The following ALDH9A1 variants were observed in gnomAD, a reference collection of about 807,000 sequenced individuals.
ALDH9A1 encodes aldehyde dehydrogenase 9 family member A1.
A neutral mutation model predicts 56.6 loss-of-function variants in ALDH9A1; 42 were observed. The observed-to-expected ratio is 0.74, with a 90% CI of 0.58 to 0.96. The LOEUF is 0.96. Ranked by LOEUF, ALDH9A1 falls within the 40% of genes least tolerant of loss-of-function variation. ALDH9A1 has a pLI of 0.00. For synonymous variants in ALDH9A1, 242 were observed against 236.0 expected (o/e 1.03, Z -0.23); for missense variants, 661 against 651.5 (o/e 1.01, Z -0.16).
At chr1:165,679,877 GTGGCACATGAC>G (rs1649489294) in intron 5 of ALDH9A1, among the ~76,000 whole-genome samples, 1 of 152,122 alleles carries the variant, frequency 6.6e-6, no homozygotes, top group South Asian at 2.1e-4. Flanking sequence ...GCCAGGCACA[GTGGCACATGAC>G]TGTAGTCTCA....
At chr1:165,694,090 C>T (rs2101759013) in intron 2 of ALDH9A1, among the ~76,000 whole-genome samples, 1 of 151,502 alleles carries the variant, frequency 6.6e-6, no homozygotes, top group East Asian at 2.0e-4. Flanking sequence ...GGAGGGATAG[C>T]ATTAGGAGAA....
intron 2 of ALDH9A1, 117 bp from the exon 3 acceptor site, chr1:165,683,227 A>C: frequency 9.5e-7 from 1 of 1,056,852 alleles, no homozygotes; most frequent in Non-Finnish European, 1.4e-6. Context: ...TTCACTTTAA[A>C]TGAAAAGAAA....
At chr1:165,687,575 T>C (rs774184112) in intron 2 of ALDH9A1, among the ~76,000 whole-genome samples, 3 of 142,110 alleles carry the variant, frequency 2.1e-5, no homozygotes, top group African/African-American at 5.2e-5. Flanking sequence ...TGGAGCAACA[T>C]CTTTAAAGTA....
At position 165,698,409 on chromosome 1, in the gene ALDH9A1, G is replaced by A; in HGVS notation, c.150C>T (p.Ser50=). 3 of 1,605,180 alleles carry A rather than the reference G, an allele frequency of 1.9e-6. No individual in the cohort carries two copies. Among genetic ancestry groups the A allele is most frequent in the Non-Finnish European group, 2.5e-6 (3 of 1,176,818 alleles). Reference sequence around the variant, plus strand: ...CTGGCTCGAAAGCTTTCTCGGTACCGGAGGCGTCCGCCGGCTCCACGCGGG... The same window carrying A: ...CTGGCTCGAAAGCTTTCTCGGTACCAGAGGCGTCCGCCGGCTCCACGCGGG... ...GGARVEPADA[S]GTEKAFEPAT... The change falls in exon 1 of 11, where the codon TCC becomes TCT. Residue 50 remains serine, a synonymous_variant. Transcript: ENST00000354775.
At chr1:165,664,199 A>G (rs1648934621) in intron 10 of ALDH9A1, among the ~76,000 whole-genome samples, 1 of 152,182 alleles carries the variant, frequency 6.6e-6, no homozygotes, top group Non-Finnish European at 1.5e-5. Flanking sequence ...CAGAGTTTAT[A>G]TATTTGCCAA....
chr1:165,688,063 T>C lies in ALDH9A1; in HGVS notation c.328-4953A>G, dbSNP rs375861717. Among the ~76,000 whole-genome samples, 4 of 151,898 alleles carry C rather than the reference T, an allele frequency of 2.6e-5. No individual in the cohort carries two copies. In the East Asian group the frequency reaches 5.8e-4, roughly 22 times the overall value. Reference sequence around the variant, plus strand: ...TGGGTACAGTGGCACACACGTACAGTCCCAGCACTTTGGGAAGCTGAGGCA... The same window carrying C: ...TGGGTACAGTGGCACACACGTACAGCCCCAGCACTTTGGGAAGCTGAGGCA... On this transcript the variant is annotated intron_variant, in intron 2 of 10. Transcript: ENST00000354775.
At chr1:165,690,175 G>A (rs1215670086) in intron 2 of ALDH9A1, among the ~76,000 whole-genome samples, 1 of 145,044 alleles carries the variant, frequency 6.9e-6, no homozygotes, top group East Asian at 2.0e-4. Context: ...TAGCTTATAT[G>A]TGTATAATTA....
chr1:165,666,487 G>A (rs141571592), intron 9 of ALDH9A1, among the ~76,000 whole-genome samples: 8 of 152,264 alleles, frequency 5.3e-5, no homozygotes, highest in African/African-American at 9.6e-5. Context: ...TTGTCTGTAC[G>A]AGGGTGGCAA....
At chr1:165,670,994 G>A (rs1033760523) in intron 6 of ALDH9A1, among the ~76,000 whole-genome samples, 22 of 152,128 alleles carry the variant, frequency 1.4e-4, no homozygotes, top group African/African-American at 4.8e-4. Flanking sequence ...CTAGTTCAAC[G>A]TGGGAGATGG....
intron 6 of ALDH9A1, among the ~76,000 whole-genome samples, chr1:165,674,685 CAAAAAAAA>C (rs36011778): frequency 8.7e-6 from 1 of 115,556 alleles, no homozygotes; most frequent in East Asian, 2.7e-4. Flanking sequence ...GACTCCGAAT[CAAAAAAAA>C]AAAAAAAAAA....
chr1:165,695,181 C>T (rs1650031759), intron 2 of ALDH9A1, 71 bp downstream of exon 2: 18 of 1,471,412 alleles, frequency 1.2e-5, no homozygotes, highest in South Asian at 4.2e-5. Flanking sequence ...GCAACAAAGT[C>T]GAACTGCAAA....
At position 165,677,092 on chromosome 1, in the gene ALDH9A1, G is replaced by T. The variant is rs1649386465; in HGVS notation, c.930+2350C>A. Among the ~76,000 whole-genome samples, 4 of 152,264 alleles carry T rather than the reference G, an allele frequency of 2.6e-5. No individual in the cohort carries two copies. The South Asian group carries it at 6.2e-4, about 24-fold the overall frequency. On this transcript the variant is annotated intron_variant, in intron 6 of 10. Coordinates refer to ENST00000354775, the MANE Select transcript of ALDH9A1 (RefSeq NM_000696.4). ...AAAGTTTACAAAAAATAAAAAACAG[G>T]CCGGGCACGGTGGCACATGCCTGCA...
In ALDH9A1 at chr1:165,680,582, C is replaced by T. The variant is rs1205113335; in HGVS notation, c.694G>A (p.Val232Met). Residue 232 changes from valine to methionine, a missense_variant, in exon 5 of 11, where the codon GTG (valine) becomes ATG (methionine). Coordinates refer to ENST00000354775, the MANE Select transcript of ALDH9A1 (RefSeq NM_000696.4). The part of the protein sequence containing the change: ...EAGVPPGLFN[V>M]VQGGAATGQF... The stretch of plus-strand genomic sequence containing the variant: ...CCTGTGGCAGCCCCTCCCTGCACCA[C>T]ATTGAAGAGCCCAGGAGGTACACCA... 2 of 1,614,166 alleles carry T rather than the reference C, an allele frequency of 1.2e-6. No individual in the cohort carries two copies. The highest frequency in any genetic ancestry group is 1.1e-5 in the South Asian group (1 of 91,084).
chr1:165,695,808 G>A (rs1211094979), intron 1 of ALDH9A1, among the ~76,000 whole-genome samples: 3 of 151,148 alleles, frequency 2.0e-5, no homozygotes, highest in Non-Finnish European at 3.0e-5. Context: ...TTTTATGTAT[G>A]GTTTGATTTA....
chr1:165,690,294 C>T (rs974452793), intron 2 of ALDH9A1, among the ~76,000 whole-genome samples: 2 of 151,576 alleles, frequency 1.3e-5, no homozygotes, highest in Non-Finnish European at 2.9e-5. Flanking sequence ...CAGTTTCTGA[C>T]GTAACATACT....
intron 6 of ALDH9A1, 87 bp downstream of exon 6, chr1:165,679,355 G>T: frequency 6.8e-7 from 1 of 1,465,226 alleles, no homozygotes; most frequent in Non-Finnish European, 9.3e-7. Context: ...AAGTCTGAAA[G>T]TATTGTAAAA....
intron 2 of ALDH9A1, among the ~76,000 whole-genome samples, chr1:165,685,925 C>T (rs7543204): frequency 0.67 from 101,883 of 152,070 alleles, 34,446 homozygotes; most frequent in East Asian, 0.96. Flanking sequence ...TTCTCCCTCC[C>T]CTTTTAATCC....
rs186069429 is a variant in ALDH9A1, at chr1:165,692,619, C to T, written c.327+2633G>A. Among the ~76,000 whole-genome samples the T allele has an allele frequency of 4.5e-4, 68 of 152,224 alleles. 1 individual carries two copies. The East Asian group carries it at 0.012, about 26-fold the overall frequency. Reference sequence around the variant, plus strand: ...GCTCATGGATAGGAAGAATCAATATCGCAAAAATGGCCATACTGCCCAAGG... The same window carrying T: ...GCTCATGGATAGGAAGAATCAATATTGCAAAAATGGCCATACTGCCCAAGG... On this transcript the variant is annotated intron_variant, in intron 2 of 10. Transcript: ENST00000354775.
intron 2 of ALDH9A1, among the ~76,000 whole-genome samples, chr1:165,692,827 A>G (rs1571185783): frequency 6.6e-6 from 1 of 152,094 alleles, no homozygotes; most frequent in South Asian, 2.1e-4. Context: ...CTACAAGGCT[A>G]CAGTAACCAA....
Sources: gnomAD v4.1 joint callset for allele counts (sites outside exome capture counted in the v4.1 genomes callset) on GRCh38, gnomAD v4.1.1 for gene constraint, MANE v1.5 for transcripts, NCBI Gene and HGNC (gene_info 2026-07-23, HGNC 2026-07-21) for gene names.